Variants in SPMIP11 observed in about 807,000 individuals in gnomAD.
SPMIP11 encodes the protein long intergenic non-protein coding RNA 935.
At chr12:48,756,100 G>A in the SPMIP11 span, among the ~76,000 whole-genome samples, 1 of 151,606 alleles carries the variant, frequency 6.6e-6, no homozygotes, top group African/African-American at 2.4e-5. Flanking sequence ...AGCCAGGATG[G>A]TCTCCATCTC....
At chr12:48,734,957 T>G in the SPMIP11 span, among the ~76,000 whole-genome samples, 1 of 133,056 alleles carries the variant, frequency 7.5e-6, no homozygotes, top group East Asian at 2.3e-4. Context: ...GTGAGCCGAG[T>G]AGCGCCACTG....
the SPMIP11 span, among the ~76,000 whole-genome samples, chr12:48,762,019 CATTCTT>C: frequency 7.1e-6 from 1 of 141,266 alleles, no homozygotes; most frequent in Non-Finnish European, 1.5e-5. Context: ...TCTTATATGA[CATTCTT>C]ATATAACACT....
At chr12:48,736,493 C>T in the SPMIP11 span, among the ~76,000 whole-genome samples, 1 of 151,916 alleles carries the variant, frequency 6.6e-6, no homozygotes, top group African/African-American at 2.4e-5. Context: ...TACTTCTTTC[C>T]CCAATACTTC....
chr12:48,734,035 G>A, the SPMIP11 span, among the ~76,000 whole-genome samples: 3 of 151,962 alleles, frequency 2.0e-5, no homozygotes, highest in Non-Finnish European at 2.9e-5. Flanking sequence ...GCCTCCCAAA[G>A]TGCTGGGATT....
the SPMIP11 span, among the ~76,000 whole-genome samples, chr12:48,739,623 G>T: frequency 1.3e-5 from 2 of 152,128 alleles, no homozygotes; most frequent in African/African-American, 4.8e-5. Context: ...AGGCAAAGGG[G>T]AAGCAGGCAT....
the SPMIP11 span, among the ~76,000 whole-genome samples, chr12:48,742,634 A>C: frequency 6.6e-6 from 1 of 152,042 alleles, no homozygotes; most frequent in Non-Finnish European, 1.5e-5. Context: ...CTGTAATCTC[A>C]GCACTTTGGG....
At chr12:48,769,636 G>C in the SPMIP11 span, among the ~76,000 whole-genome samples, 1 of 150,242 alleles carries the variant, frequency 6.7e-6, no homozygotes, top group Non-Finnish European at 1.5e-5. Flanking sequence ...GCCCAGGATG[G>C]AGTGCAGTGG....
chr12:48,751,638 A>C, the SPMIP11 span, among the ~76,000 whole-genome samples: 1 of 152,146 alleles, frequency 6.6e-6, no homozygotes, highest in Non-Finnish European at 1.5e-5. Context: ...CAAGTATCCA[A>C]AGATGTTCAA....
chr12:48,751,190 C>A, the SPMIP11 span, among the ~76,000 whole-genome samples: 1 of 152,116 alleles, frequency 6.6e-6, no homozygotes, highest in Non-Finnish European at 1.5e-5. Context: ...GGTGAGTCAA[C>A]ACGTGTAATC....
At chr12:48,747,425 A>C in the SPMIP11 span, among the ~76,000 whole-genome samples, 74 of 152,348 alleles carry the variant, frequency 4.9e-4, no homozygotes, top group Admixed American at 3.3e-4. Flanking sequence ...GAAAAAATTC[A>C]AAGCCAAAAC....
the SPMIP11 span, among the ~76,000 whole-genome samples, chr12:48,749,356 C>A: frequency 6.6e-6 from 1 of 151,672 alleles, no homozygotes; most frequent in African/African-American, 2.4e-5. Flanking sequence ...TGGCTGGGCG[C>A]GGTGGCTCAT....
chr12:48,731,941 G>T, the SPMIP11 span, among the ~76,000 whole-genome samples: 1 of 152,050 alleles, frequency 6.6e-6, no homozygotes, highest in Admixed American at 6.6e-5. Context: ...TAGAGGCCAG[G>T]AATTCAAGAC....
chr12:48,742,986 CG>C, the SPMIP11 span, among the ~76,000 whole-genome samples: 1 of 152,278 alleles, frequency 6.6e-6, no homozygotes, highest in African/African-American at 2.4e-5. Flanking sequence ...TAGTGGCTCA[CG>C]CCTATAATCC....
chr12:48,764,652 T>C, the SPMIP11 span, among the ~76,000 whole-genome samples: 45 of 152,338 alleles, frequency 3.0e-4, no homozygotes, highest in African/African-American at 1.0e-3. Flanking sequence ...CCAAGACTGA[T>C]TCATTTGACC....
the SPMIP11 span, among the ~76,000 whole-genome samples, chr12:48,733,764 CTTTTTTTTTT>C: frequency 2.4e-5 from 2 of 82,898 alleles, no homozygotes; most frequent in African/African-American, 4.7e-5. Context: ...AATGCAGATT[CTTTTTTTTTT>C]TTTTTTTTTT....
At chr12:48,761,982 G>A in the SPMIP11 span, among the ~76,000 whole-genome samples, 287 of 147,274 alleles carry the variant, frequency 1.9e-3, 1 homozygote, top group African/African-American at 6.8e-3. Context: ...TTACAGGTGT[G>A]AGCCACCATG....
the SPMIP11 span, among the ~76,000 whole-genome samples, chr12:48,758,278 G>A: frequency 6.6e-6 from 1 of 152,202 alleles, no homozygotes; most frequent in Admixed American, 6.6e-5. Context: ...CAGAAGCAAT[G>A]CTCAGAATCA....
chr12:48,755,860 C>T, the SPMIP11 span, among the ~76,000 whole-genome samples: 1 of 149,406 alleles, frequency 6.7e-6, no homozygotes, highest in Non-Finnish European at 1.5e-5. Flanking sequence ...CTTGTTCTTT[C>T]TCCTCAGTTT....
At chr12:48,759,151 A>G in the SPMIP11 span, 1 of 696,894 alleles carries the variant, frequency 1.4e-6, no homozygotes, top group African/African-American at 1.8e-5. Flanking sequence ...AGACCAGGGA[A>G]TCAGAGAATC....
Sources: gnomAD v4.1 joint callset for allele counts (sites outside exome capture counted in the v4.1 genomes callset) on GRCh38, gnomAD v4.1.1 for gene constraint, MANE v1.5 for transcripts, NCBI Gene and HGNC (gene_info 2026-07-23, HGNC 2026-07-21) for gene names.